NCAM1: variants seen among roughly 807,000 people sequenced by gnomAD.
NCAM1 encodes antigen recognized by monoclonal antibody 5.1H11.
A neutral mutation model predicts 109.8 loss-of-function variants in NCAM1; 14 were observed. The observed-to-expected ratio is 0.13, with a 90% CI of 0.08 to 0.20. NCAM1 has a LOEUF of 0.20. NCAM1 is among the 10% of genes least tolerant of loss of function. The pLI, the probability that NCAM1 is intolerant of heterozygous loss-of-function variation, is 1.00. For synonymous variants in NCAM1, 418 were observed against 442.9 expected (o/e 0.94, Z 0.70); for missense variants, 774 against 1,109.9 (o/e 0.70, Z 4.30).
chr11:112,987,515 C>T (rs1951340840), intron 1 of NCAM1, among the ~76,000 whole-genome samples: 1 of 152,054 alleles, frequency 6.6e-6, no homozygotes, highest in Admixed American at 6.6e-5. Flanking sequence ...ATTGTATTGC[C>T]TTCTATATTT....
In NCAM1 at chr11:113,233,968, A is replaced by T. The variant is rs1189874404; in HGVS notation, c.1693+651A>T. On this transcript the variant is annotated intron_variant, in intron 13 of 19. Transcript: ENST00000316851. The surrounding 1 kb of genome is among the most constrained non-coding windows in gnomAD (Gnocchi z 4.5). ...ATGTTTTGTTTCTGTACAAATTTTT[A>T]ATCCTGGTCTCGTATGTGGTAATTC... Among the ~76,000 whole-genome samples the T allele has an allele frequency of 6.6e-6, 1 of 152,136 alleles. No homozygotes were observed. The highest frequency in any genetic ancestry group is 1.9e-4 in the East Asian group (1 of 5,192).
chr11:112,986,261 C>T (rs1036946971), intron 1 of NCAM1, among the ~76,000 whole-genome samples: 1 of 151,706 alleles, frequency 6.6e-6, no homozygotes, highest in Non-Finnish European at 1.5e-5. Flanking sequence ...GGAATATATC[C>T]CCTTGATTAT....
chr11:113,252,799 C>CTTTTTTTTTTTT (rs33948720), intron 15 of NCAM1, among the ~76,000 whole-genome samples: 1 of 39,706 alleles, frequency 2.5e-5, no homozygotes, highest in Non-Finnish European at 4.3e-5. Context: ...CTATGCCCAG[C>CTTTTTTTTTTTT]TTTTTTTTTT....
Position 113,274,881 on chromosome 11 carries a change from A to C in NCAM1, c.2457-386A>C, listed in dbSNP as rs1946370251. On this transcript the variant is annotated intron_variant, in intron 19 of 19. Coordinates refer to ENST00000316851, the MANE Select transcript of NCAM1 (RefSeq NM_181351.5). This position sits in a 1 kb window ranked among gnomAD's most constrained non-coding sequence, Gnocchi z 4.1. ...CATCCAGCTGAGCTGTTGCCACTGC[A>C]GCTGGTCAGGGTGAGGAGGAGCTGC... Among the ~76,000 whole-genome samples the C allele has an allele frequency of 6.6e-6, 1 of 152,204 alleles. No individual in the cohort carries two copies. The highest frequency in any genetic ancestry group is 6.5e-5 in the Admixed American group (1 of 15,280).
In NCAM1 at chr11:113,276,669, T is replaced by A. The variant is rs1317370722; in HGVS notation, c.*1282T>A. 1 of 152,630 alleles carries A rather than the reference T, an allele frequency of 6.6e-6. No individual in the cohort carries two copies. Among genetic ancestry groups the A allele is most frequent in the Non-Finnish European group, 1.5e-5 (1 of 68,044 alleles). 9.5% of individuals were successfully genotyped at this position (152,630 alleles called of 1,614,324 possible). A position where few individuals can be genotyped will look rare whatever the true frequency, so the allele number is the denominator to read the frequency against. ...GTGCTTCAGGGAATTAGTGTCTTTT[T>A]TTGGAAATCTGTTGAAGTAAAGTAA... On this transcript the variant is annotated 3_prime_UTR_variant, in exon 20 of 20. Coordinates refer to ENST00000316851, the MANE Select transcript of NCAM1 (RefSeq NM_181351.5).
At chr11:113,147,773 G>A (rs1236022100) in intron 1 of NCAM1, among the ~76,000 whole-genome samples, 1 of 152,140 alleles carries the variant, frequency 6.6e-6, no homozygotes, top group African/African-American at 2.4e-5. Flanking sequence ...GAATTTATGT[G>A]ACGCCATTTT....
At chr11:113,052,630 ATTTTAC>A (rs1245768487) in intron 1 of NCAM1, among the ~76,000 whole-genome samples, 4 of 152,186 alleles carry the variant, frequency 2.6e-5, no homozygotes, top group Admixed American at 6.5e-5. Flanking sequence ...CTGAAGCAAC[ATTTTAC>A]CTTTCTCCAA....
intron 1 of NCAM1, among the ~76,000 whole-genome samples, chr11:112,998,992 CAA>C (rs1385261638): frequency 6.6e-6 from 1 of 152,060 alleles, no homozygotes; most frequent in Non-Finnish European, 1.5e-5. Context: ...AAAACAAAAA[CAA>C]GACCCCTCCC....
At chr11:113,184,078 A>T (rs963332306) in intron 1 of NCAM1, among the ~76,000 whole-genome samples, 4 of 152,222 alleles carry the variant, frequency 2.6e-5, no homozygotes, top group Admixed American at 6.5e-5. Context: ...AGAGCTAACA[A>T]ATCACTGAAT....
At chr11:112,975,798 G>A (rs781996734) in intron 1 of NCAM1, among the ~76,000 whole-genome samples, 1 of 151,886 alleles carries the variant, frequency 6.6e-6, no homozygotes, top group Non-Finnish European at 1.5e-5. Context: ...TGGTCATGAA[G>A]GCAGTTCATT....
intron 9 of NCAM1, among the ~76,000 whole-genome samples, chr11:113,230,663 A>T (rs1178551837): frequency 6.6e-6 from 1 of 152,202 alleles, no homozygotes; most frequent in Non-Finnish European, 1.5e-5. Context: ...CCAGGTGCAG[A>T]ATATAACCTC....
intron 1 of NCAM1, among the ~76,000 whole-genome samples, chr11:113,117,470 C>T (rs539264244): frequency 5.9e-5 from 9 of 151,942 alleles, no homozygotes; most frequent in African/African-American, 1.2e-4. Context: ...CACTAATCCC[C>T]GCAGCTCAGA....
intron 1 of NCAM1, among the ~76,000 whole-genome samples, chr11:113,076,525 A>G (rs1555086155): frequency 6.6e-6 from 1 of 152,220 alleles, no homozygotes; most frequent in Non-Finnish European, 1.5e-5. Flanking sequence ...AAACCTAGAC[A>G]CTAAAAAACA....
intron 9 of NCAM1, among the ~76,000 whole-genome samples, chr11:113,223,657 G>A (rs1257009313): frequency 6.6e-6 from 1 of 152,142 alleles, no homozygotes; most frequent in East Asian, 1.9e-4. Flanking sequence ...GAAGAGTATT[G>A]TTCAATTTCC....
Position 112,961,439 on chromosome 11 carries a change from C to A in NCAM1, c.-174C>A, listed in dbSNP as rs782094701. The A allele has an allele frequency of 5.2e-6, 4 of 765,958 alleles. No homozygotes were observed. Among genetic ancestry groups the A allele is most frequent in the Non-Finnish European group, 9.7e-6 (4 of 412,290 alleles). The allele number at this position is 765,958 out of a possible 1,614,324, so 47.4% of individuals were successfully genotyped here. A position where few individuals can be genotyped will look rare whatever the true frequency, so the allele number is the denominator to read the frequency against. Reference sequence around the variant, plus strand: ...ACTGTCACTCATTCTCCGATCAGCGCGTGAACGCAGCTCGGCTGCCGCTGG... The same window carrying A: ...ACTGTCACTCATTCTCCGATCAGCGAGTGAACGCAGCTCGGCTGCCGCTGG... On this transcript the variant is annotated 5_prime_UTR_variant, in exon 1 of 20. Coordinates refer to ENST00000316851, the MANE Select transcript of NCAM1 (RefSeq NM_181351.5).
At position 113,130,969 on chromosome 11, in the gene NCAM1, G is replaced by A. The variant is rs552271065; in HGVS notation, c.53-71410G>A. On this transcript the variant is annotated intron_variant, in intron 1 of 19. Transcript: ENST00000316851. ...CTTGCAGCACTGGTTGGACTATGAG[G>A]AAAACTACTAGAGACCTTTTCTTTT... 1.1e-4 allele frequency among the ~76,000 whole-genome samples: 16 copies of A among 152,274 alleles called. No individual in the cohort carries two copies. The East Asian group carries it at 1.5e-3, about 15-fold the overall frequency.
At position 113,160,610 on chromosome 11, in the gene NCAM1, C is replaced by G. The variant is rs565472848; in HGVS notation, c.53-41769C>G. On this transcript the variant is annotated intron_variant, in intron 1 of 19. Transcript: ENST00000316851. ...TTTGTCAACAGCAGCCAATACAAAG[C>G]CTCAAACCCACTTGGCATTCGGCAC... Among the ~76,000 whole-genome samples, 466 of 152,328 alleles carry G rather than the reference C, an allele frequency of 3.1e-3. 2 individuals carry two copies. Among genetic ancestry groups the G allele is most frequent in the African/African-American group, 0.011 (454 of 41,560 alleles).
rs5794851 is a variant in NCAM1, at chr11:113,173,591, G to GATATATATATATATATATAT, written c.53-28771_53-28752dup. On this transcript the variant is annotated intron_variant, in intron 1 of 19. Coordinates refer to ENST00000316851, the MANE Select transcript of NCAM1 (RefSeq NM_181351.5). ...TATGACTAATATTAGCATGTTACCT[G>GATATATATATATATATATAT]ATATATATATATATATATATATATA... Among the ~76,000 whole-genome samples, 166 of 126,590 alleles carry GATATATATATATATATATAT rather than the reference G, an allele frequency of 1.3e-3. 1 individual carries two copies. The highest frequency in any genetic ancestry group is 2.1e-3 in the East Asian group (9 of 4,358). 83.0% of individuals were successfully genotyped at this position (126,590 alleles called of 152,430 possible).
At chr11:112,976,149 A>G (rs552413357) in intron 1 of NCAM1, among the ~76,000 whole-genome samples, 2 of 152,120 alleles carry the variant, frequency 1.3e-5, no homozygotes, top group African/African-American at 4.8e-5. Context: ...AATTGGACAT[A>G]TTTTAAGAAA....
Sources: allele counts gnomAD v4.1 joint callset (sites outside exome capture counted in the v4.1 genomes callset), GRCh38; gene constraint gnomAD v4.1.1; non-coding constraint Gnocchi (gnomAD v3.1); transcripts MANE v1.5; gene names NCBI Gene and HGNC (gene_info 2026-07-23, HGNC 2026-07-21).